Variants in FSTL5 observed in about 807,000 individuals in gnomAD.
FSTL5 encodes follistatin-related protein 5.
In FSTL5, 62 loss-of-function variants were observed where a neutral mutation model predicts 89.1. That is an observed-to-expected ratio of 0.70 (90% confidence interval 0.57 to 0.86). FSTL5 has a LOEUF of 0.86. FSTL5 is among the 40% of genes least tolerant of loss of function. The pLI, the probability that FSTL5 is intolerant of heterozygous loss-of-function variation, is 0.00. For missense variants in FSTL5, 1,057 were observed against 1,001.6 expected (o/e 1.06, Z -0.75); for synonymous variants, 383 against 346.2 (o/e 1.11, Z -1.18).
intron 7 of FSTL5, among the ~76,000 whole-genome samples, chr4:161,608,939 T>C (rs889559623): frequency 4.6e-5 from 7 of 152,118 alleles, no homozygotes; most frequent in African/African-American, 1.7e-4. Context: ...ATATCTTCTA[T>C]GTCCTTCTGA....
chr4:161,615,963 A>G (rs1734852539), intron 7 of FSTL5, among the ~76,000 whole-genome samples: 1 of 152,146 alleles, frequency 6.6e-6, no homozygotes, highest in Non-Finnish European at 1.5e-5. Flanking sequence ...CAAACCCTTT[A>G]AAATTACTTG....
chr4:161,676,032 A>C (rs1737288632), intron 6 of FSTL5, among the ~76,000 whole-genome samples: 1 of 152,096 alleles, frequency 6.6e-6, no homozygotes, highest in Non-Finnish European at 1.5e-5. Flanking sequence ...ATAATTCTGA[A>C]TTTGAATTCT....
chr4:162,146,698 CCCTTCCCT>C (rs879433374), intron 1 of FSTL5, among the ~76,000 whole-genome samples: 1,225 of 76,868 alleles, frequency 0.016, 14 homozygotes, highest in Non-Finnish European at 0.028. Flanking sequence ...CCCTTCCCTT[CCCTTCCCT>C]TCCCCTTCCC....
chr4:161,752,475 T>G (rs1352114796), intron 6 of FSTL5, among the ~76,000 whole-genome samples: 1 of 152,198 alleles, frequency 6.6e-6, no homozygotes, highest in East Asian at 1.9e-4. Context: ...TTTTCTTACA[T>G]CCAACCTCTC....
intron 7 of FSTL5, among the ~76,000 whole-genome samples, chr4:161,598,793 T>A (rs1234879140): frequency 7.9e-5 from 12 of 152,102 alleles, no homozygotes; most frequent in African/African-American, 2.9e-4. Flanking sequence ...TAGAAAATTC[T>A]AAACTGGACT....
In FSTL5 at chr4:161,848,047, A is replaced by AAC. The variant is rs1436211144; in HGVS notation, c.410-71974_410-71973insGT. 1.2e-4 allele frequency among the ~76,000 whole-genome samples: 17 copies of AAC among 147,776 alleles called. 1 individual carries two copies. The highest frequency in any genetic ancestry group is 4.4e-4 in the African/African-American group (17 of 38,424). On this transcript the variant is annotated intron_variant, in intron 4 of 15. Coordinates refer to ENST00000306100, the MANE Select transcript of FSTL5 (RefSeq NM_020116.5). ...GCAAGACTCCGTCTCAAAAAAAAAA[A>AAC]AAAAAAAAAAAAAAACAAGACATAT...
In FSTL5 at chr4:162,111,364, G is replaced by A. The variant is rs144695938; in HGVS notation, c.33C>T (p.Leu11=). MFKCWSVVLV[L]GFIFLESEGR... ...CTTCCGACTCCAGAAAAATGAATCCGAGAACCAAGACAACTGACCAGCACT... is the reference window on the plus strand; with the variant it reads ...CTTCCGACTCCAGAAAAATGAATCCAAGAACCAAGACAACTGACCAGCACT... The change falls in exon 2 of 16, where the codon CTC becomes CTT. Residue 11 remains leucine (L), a synonymous_variant. Coordinates refer to ENST00000306100, the MANE Select transcript of FSTL5 (RefSeq NM_020116.5). 21 of 1,612,080 alleles carry A rather than the reference G, an allele frequency of 1.3e-5. No homozygotes were observed. Among genetic ancestry groups the A allele is most frequent in the Middle Eastern group, 1.7e-4 (1 of 6,048 alleles).
At chr4:161,682,546 A>T (rs1475166410) in intron 6 of FSTL5, among the ~76,000 whole-genome samples, 1 of 152,116 alleles carries the variant, frequency 6.6e-6, no homozygotes, top group African/African-American at 2.4e-5. Flanking sequence ...TTTGTTAAAA[A>T]AGAAGAAACA....
chr4:161,479,994 G>T (rs1346309462), intron 13 of FSTL5, among the ~76,000 whole-genome samples: 2 of 152,134 alleles, frequency 1.3e-5, no homozygotes, highest in East Asian at 3.9e-4. Context: ...ATGTGAAGTT[G>T]TTAATCACTT....
chr4:161,694,132 T>C (rs921663155), intron 6 of FSTL5, among the ~76,000 whole-genome samples: 14 of 152,212 alleles, frequency 9.2e-5, no homozygotes, highest in African/African-American at 3.1e-4. Context: ...CATTTATCTG[T>C]TGTCTAATCT....
At chr4:161,513,743 A>G (rs944676349) in intron 10 of FSTL5, among the ~76,000 whole-genome samples, 35 of 152,190 alleles carry the variant, frequency 2.3e-4, no homozygotes, top group Admixed American at 2.0e-4. Context: ...AGGAACATTA[A>G]AAGAAATACC....
intron 15 of FSTL5, among the ~76,000 whole-genome samples, chr4:161,397,111 C>T (rs1203918925): frequency 6.6e-6 from 1 of 152,014 alleles, no homozygotes; most frequent in Non-Finnish European, 1.5e-5. Context: ...TGTTTGTATG[C>T]CTTTAACAAT....
chr4:161,938,969 C>G (rs2110917791), intron 3 of FSTL5, among the ~76,000 whole-genome samples: 1 of 151,744 alleles, frequency 6.6e-6, no homozygotes, highest in East Asian at 1.9e-4. Context: ...ATATTTGTTG[C>G]TTTAGTCCTC....
At chr4:161,566,100 CTATATATATATATATATATATA>C (rs59511238) in intron 8 of FSTL5, among the ~76,000 whole-genome samples, 7 of 54,064 alleles carry the variant, frequency 1.3e-4, no homozygotes, top group African/African-American at 2.2e-4. Flanking sequence ...TTTTTTTGGA[CTATATATATATATATATATATA>C]TATATATATA....
chr4:161,658,002 G>A (rs576952233), intron 6 of FSTL5, among the ~76,000 whole-genome samples: 1 of 152,296 alleles, frequency 6.6e-6, no homozygotes, highest in East Asian at 1.9e-4. Context: ...TCCTAGTAGA[G>A]AAAGGCTCAG....
Position 162,000,366 on chromosome 4 carries a change from G to A in FSTL5, c.160+33259C>T, listed in dbSNP as rs182862699. Among the ~76,000 whole-genome samples the A allele has an allele frequency of 1.2e-3, 181 of 152,142 alleles. 1 individual carries two copies. The highest frequency in any genetic ancestry group is 3.6e-3 in the African/African-American group (150 of 41,530). On this transcript the variant is annotated intron_variant, in intron 3 of 15. Transcript: ENST00000306100. ...AGCACTTTGGGAGGCCAAGGTGGGCGGACTTCCTGAGGTCAGGAGTTTGAG... is the reference window on the plus strand; with the variant it reads ...AGCACTTTGGGAGGCCAAGGTGGGCAGACTTCCTGAGGTCAGGAGTTTGAG...
chr4:161,825,211 G>A (rs1579119467), intron 4 of FSTL5, among the ~76,000 whole-genome samples: 1 of 152,148 alleles, frequency 6.6e-6, no homozygotes, highest in Non-Finnish European at 1.5e-5. Flanking sequence ...TTGTGTATGT[G>A]AAACCATCCC....
chr4:161,481,073 G>A lies in FSTL5; in HGVS notation c.1555C>T (p.Pro519Ser), dbSNP rs538974134. ...VKDKFIYVAQ[P>S]TLDRVLIVDV... ...ACAATAAGGACTCTGTCCAAAGTTG[G>A]CTGTGCAACATAAATGAACTTGTCT... The change falls in exon 13 of 16, where the codon CCA (proline) becomes TCA (serine). Residue 519 changes from proline (P) to serine (S), a missense_variant. By Grantham distance (74) the Pro-to-Ser change is moderately conservative. Transcript: ENST00000306100. The A allele has an allele frequency of 3.7e-6, 6 of 1,612,944 alleles. No individual in the cohort carries two copies. The East Asian group carries it at 1.3e-4, about 36-fold the overall frequency.
chr4:161,786,846 G>A (rs1741923557), intron 4 of FSTL5, among the ~76,000 whole-genome samples: 1 of 152,064 alleles, frequency 6.6e-6, no homozygotes, highest in African/African-American at 2.4e-5. Flanking sequence ...ATCTGCCAAT[G>A]TCCATCACTT....
Sources: allele counts gnomAD v4.1 joint callset (sites outside exome capture counted in the v4.1 genomes callset), GRCh38; gene constraint gnomAD v4.1.1; transcripts MANE v1.5; gene names NCBI Gene and HGNC (gene_info 2026-07-23, HGNC 2026-07-21).